The following TC2N variants were observed in gnomAD, a reference collection of about 807,000 sequenced individuals.
The protein encoded by TC2N is tandem C2 domains nuclear protein.
In TC2N, 51 loss-of-function variants were observed where a neutral mutation model predicts 61.9. The ratio of observed to expected loss-of-function variants is 0.82; its 90% CI spans 0.66 to 1.04. The LOEUF (loss-of-function observed/expected upper bound fraction) is 1.04. TC2N is among the 50% of genes least tolerant of loss of function. The probability of loss-of-function intolerance (pLI) is 0.00; values close to 1 mark genes in which losing one functional copy is unlikely to be tolerated. For synonymous variants in TC2N, 204 were observed against 192.6 expected, an observed-to-expected ratio of 1.06 and a Z score of -0.49; for missense variants, 556 against 566.7, an observed-to-expected ratio of 0.98 and a Z score of 0.19.
At chr14:91,842,791 G>A (rs1293509336) in intron 1 of TC2N, among the ~76,000 whole-genome samples, 1 of 152,206 alleles carries the variant, frequency 6.6e-6, no homozygotes, top group Admixed American at 6.5e-5. Flanking sequence ...TGTCACAGTT[G>A]CAGATAAGCT....
chr14:91,861,141 C>T (rs1888580475), intron 1 of TC2N, among the ~76,000 whole-genome samples: 1 of 152,110 alleles, frequency 6.6e-6, no homozygotes, highest in African/African-American at 2.4e-5. Flanking sequence ...GGATCTCCGA[C>T]AAGGGGTACT....
intron 9 of TC2N, among the ~76,000 whole-genome samples, chr14:91,790,592 C>G (rs975143365): frequency 2.0e-5 from 3 of 152,126 alleles, no homozygotes; most frequent in Non-Finnish European, 2.9e-5. Context: ...GAAATTTAGC[C>G]ATAATTATTC....
At position 91,834,865 on chromosome 14, in the gene TC2N, T is replaced by C. The variant is rs547332978; in HGVS notation, c.-56-21040A>G. ...CCCCATCCTTGGTCTTGCCCTCTTC[T>C]TACACTATACTTACTTGAATGATTT... On this transcript the variant is annotated intron_variant, in intron 1 of 11. Transcript: ENST00000435962. Among the ~76,000 whole-genome samples the C allele has an allele frequency of 3.3e-5, 5 of 152,306 alleles. No individual in the cohort carries two copies. In the South Asian group the frequency reaches 8.3e-4, roughly 25 times the overall value.
At chr14:91,857,085 G>A (rs900016040) in intron 1 of TC2N, among the ~76,000 whole-genome samples, 1 of 152,210 alleles carries the variant, frequency 6.6e-6, no homozygotes, top group Non-Finnish European at 1.5e-5. Flanking sequence ...GTTCCCTGGA[G>A]CTAGTCAATG....
At chr14:91,787,740 G>A in intron 9 of TC2N, 113 bp from the exon 10 acceptor site, 1 of 614,156 alleles carries the variant, frequency 1.6e-6, no homozygotes. Flanking sequence ...CCTTTCAAAT[G>A]ATATTCAAAA....
chr14:91,854,387 C>T (rs934983815), intron 1 of TC2N, among the ~76,000 whole-genome samples: 17 of 126,602 alleles, frequency 1.3e-4, no homozygotes, highest in Admixed American at 2.9e-4. Context: ...AAAAGCTCTA[C>T]ACATAAGATG....
chr14:91,815,560 C>T (rs1886970003), intron 1 of TC2N, among the ~76,000 whole-genome samples: 1 of 151,578 alleles, frequency 6.6e-6, no homozygotes, highest in African/African-American at 2.4e-5. Flanking sequence ...AATGCACTGC[C>T]TTCATTTATG....
Position 91,802,427 on chromosome 14 carries a change from AG to A in TC2N, c.302-7del. On this transcript the variant is annotated splice_region_variant and splice_polypyrimidine_tract_variant and intron_variant, in intron 3 of 11. Transcript: ENST00000435962. ...AAAAGATGCTCTGGCAGATCCTGAA[AG>A]CAAATGTTTCTAAAAGTTTATAACA... 1 of 1,609,504 alleles carries A rather than the reference AG, an allele frequency of 6.2e-7. No individual in the cohort carries two copies. Among genetic ancestry groups the A allele is most frequent in the Non-Finnish European group, 8.5e-7 (1 of 1,178,358 alleles).
intron 3 of TC2N, among the ~76,000 whole-genome samples, chr14:91,811,141 TAA>T (rs1337736708): frequency 1.3e-5 from 2 of 152,106 alleles, no homozygotes; most frequent in Non-Finnish European, 2.9e-5. Flanking sequence ...AAGAAAACTG[TAA>T]AGAGATCGTT....
At chr14:91,827,172 C>T (rs1319452591) in intron 1 of TC2N, among the ~76,000 whole-genome samples, 4 of 152,130 alleles carry the variant, frequency 2.6e-5, no homozygotes, top group South Asian at 2.1e-4. Flanking sequence ...CTTGGATTGA[C>T]TAAGTGTTTA....
At chr14:91,789,152 GTC>G (rs1566760565) in intron 9 of TC2N, among the ~76,000 whole-genome samples, 1 of 152,056 alleles carries the variant, frequency 6.6e-6, no homozygotes, top group Non-Finnish European at 1.5e-5. Context: ...GTGGCAAAAC[GTC>G]TCTTATTGTT....
intron 1 of TC2N, among the ~76,000 whole-genome samples, chr14:91,839,107 A>G (rs945835757): frequency 6.6e-6 from 1 of 152,138 alleles, no homozygotes; most frequent in Non-Finnish European, 1.5e-5. Context: ...CAAATCGCAT[A>G]ATTCCTACTC....
chr14:91,783,101 C>T lies in TC2N; in HGVS notation c.1472G>A (p.Ter491=). ...TCACCAAATTAATGTGTGAAGTCTT[C>T]AAGATGGATTTAATTTGTGCCACCT... ...VIRWHKLNPS[*] The change falls in exon 12 of 12, where the codon TGA becomes TAA. Residue 491 remains the stop codon, a stop_retained_variant. Coordinates refer to ENST00000435962, the MANE Select transcript of TC2N (RefSeq NM_001128596.3). 6.3e-7 allele frequency: 1 copy of T among 1,583,574 alleles called. No homozygotes were observed. The highest frequency in any genetic ancestry group is 8.7e-7 in the Non-Finnish European group (1 of 1,153,360).
At chr14:91,789,542 C>T (rs1388643128) in intron 9 of TC2N, among the ~76,000 whole-genome samples, 3 of 151,186 alleles carry the variant, frequency 2.0e-5, no homozygotes, top group African/African-American at 7.3e-5. Context: ...ACCCAGGAGG[C>T]GGAGCTTGCA....
rs750114377 is a variant in TC2N at position 91,785,302 on chromosome 14, G to T, written c.1222C>A (p.Arg408Ser). ...SGELIYKKKT[R>S]LLKASNGRVK... is the part of the protein sequence containing the mutation. ...CTTCCATTGGAGGCCTTCAGTAAGC[G>T]TGTCTTTTTCTTATAAATCAACTCT... Residue 408 changes from arginine to serine, a missense_variant, in exon 11 of 12, where the codon CGC (arginine) becomes AGC (serine). Transcript: ENST00000435962. The T allele has an allele frequency of 5.6e-6, 9 of 1,613,522 alleles. No homozygotes were observed. The South Asian group carries it at 8.8e-5, about 16-fold the overall frequency.
intron 1 of TC2N, among the ~76,000 whole-genome samples, chr14:91,844,469 A>G (rs1437535886): frequency 1.3e-5 from 2 of 152,186 alleles, no homozygotes; most frequent in Non-Finnish European, 2.9e-5. Flanking sequence ...GTTTCCATCA[A>G]AACCATCTTA....
Position 91,802,378 on chromosome 14 carries a change from G to A in TC2N, c.345C>T (p.Ser115=). Residue 115 remains serine, a synonymous_variant, in exon 4 of 12, where the codon TCC becomes TCT. Transcript: ENST00000435962. The stretch of plus-strand genomic sequence containing the variant: ...AGCTAGGTCCGTGCTGGGATGAACT[G>A]GAAAGTTCTACCTTTCGATCTCCAA... ...ASFGDRKVEL[S]SSSQHGPSYD... 6.2e-7 allele frequency: 1 copy of A among 1,612,446 alleles called. No individual in the cohort carries two copies.
chr14:91,814,487 A>G (rs2139867070), intron 1 of TC2N, among the ~76,000 whole-genome samples: 1 of 151,330 alleles, frequency 6.6e-6, no homozygotes, highest in East Asian at 1.9e-4. Context: ...AAGCGGAGAG[A>G]GAGGGAAGGA....
intron 1 of TC2N, among the ~76,000 whole-genome samples, chr14:91,845,005 A>G (rs913493558): frequency 2.0e-5 from 3 of 151,754 alleles, no homozygotes; most frequent in Non-Finnish European, 4.4e-5. Flanking sequence ...GAGGCTGAGA[A>G]GGGGGTGGAT....
Sources: allele counts gnomAD v4.1 joint callset (sites outside exome capture counted in the v4.1 genomes callset), GRCh38; gene constraint gnomAD v4.1.1; transcripts MANE v1.5; gene names NCBI Gene and HGNC (gene_info 2026-07-23, HGNC 2026-07-21).